Variants in TBL1X observed in about 807,000 individuals in gnomAD.
TBL1X encodes the protein F-box-like/WD repeat-containing protein TBL1X.
TBL1X carries 10 observed loss-of-function variants against 50.7 expected under a neutral mutation model. The observed-to-expected ratio is 0.20, with a 90% CI of 0.12 to 0.33. The LOEUF (loss-of-function observed/expected upper bound fraction) is 0.33, where lower values mean the gene tolerates loss of function less well. Ranked by LOEUF, TBL1X falls within the 10% of genes least tolerant of loss-of-function variation. TBL1X has a pLI of 1.00. For missense variants in TBL1X, 340 were observed against 504.4 expected (o/e 0.67, Z 3.12); for synonymous variants, 190 against 214.7 (o/e 0.88, Z 1.01).
In TBL1X at chrX:9,588,728, G is replaced by A. The variant is rs755190369; in HGVS notation, c.-130-51545G>A. ...AAGCATTCTCCTGCCTCAGTCTCCTGAGTAGCTGGGATTACAGGCACACAC... is the reference window on the plus strand; with the variant it reads ...AAGCATTCTCCTGCCTCAGTCTCCTAAGTAGCTGGGATTACAGGCACACAC... On this transcript the variant is annotated intron_variant, in intron 2 of 17. Transcript: ENST00000645353. Among the ~76,000 whole-genome samples, 157 of 108,827 alleles carry A rather than the reference G, an allele frequency of 1.4e-3. 1 individual carries two copies. The highest frequency in any genetic ancestry group is 4.3e-3 in the Middle Eastern group (1 of 234). The allele number at this position is 108,827 out of a possible 115,157, so 94.5% of individuals were successfully genotyped here.
chrX:9,601,562 G>T lies in TBL1X; in HGVS notation c.-130-38711G>T, dbSNP rs889938112. Among the ~76,000 whole-genome samples the T allele has an allele frequency of 2.7e-5, 3 of 110,700 alleles. No homozygotes were observed. The Admixed American group carries it at 2.9e-4, about 11-fold the overall frequency. On this transcript the variant is annotated intron_variant, in intron 2 of 17. Transcript: ENST00000645353. Reference sequence around the variant, plus strand: ...AGGCCTAGTGGTGTCTTTCATCAGCGCCCCCCATTTTACATTTCTGGGATC... The same window carrying T: ...AGGCCTAGTGGTGTCTTTCATCAGCTCCCCCCATTTTACATTTCTGGGATC...
upstream of TBL1X, among the ~76,000 whole-genome samples, chrX:9,464,243 A>T (rs2081754977): frequency 9.0e-6 from 1 of 110,771 alleles, no homozygotes; most frequent in Non-Finnish European, 1.9e-5. Context: ...TTGCAACATA[A>T]AGCACTTTGC....
intron 8 of TBL1X, 145 bp from the exon 9 acceptor site, chrX:9,691,968 G>A: frequency 2.0e-6 from 2 of 1,018,257 alleles, no homozygotes; most frequent in Non-Finnish European, 2.7e-6. Flanking sequence ...TGCAAAGATG[G>A]CAAAGAGGGA....
intron 5 of TBL1X, among the ~76,000 whole-genome samples, chrX:9,659,590 G>T (rs746089223): frequency 8.9e-6 from 1 of 112,455 alleles, no homozygotes. Context: ...CAGGTCATTT[G>T]TATGAACGCA....
At chrX:9,557,370 G>A (rs927783743) in intron 2 of TBL1X, among the ~76,000 whole-genome samples, 2 of 111,876 alleles carry the variant, frequency 1.8e-5, no homozygotes, top group African/African-American at 6.5e-5. Context: ...TTGTGGATTT[G>A]CAGGGGAAAC....
Position 9,520,062 on chromosome X carries a change from TG to T in TBL1X, c.-131+18216del, listed in dbSNP as rs1176417352. ...ATGAGTGTTCTGGCAGTCGGAGTTG[TG>T]GGTGGGGCTGATTACTGTAATCTTC... On this transcript the variant is annotated intron_variant, in intron 2 of 17. Coordinates refer to ENST00000645353, the MANE Select transcript of TBL1X (RefSeq NM_005647.4). Among the ~76,000 whole-genome samples the T allele has an allele frequency of 2.7e-5, 3 of 112,185 alleles. No homozygotes were observed. The East Asian group carries it at 8.4e-4, about 31-fold the overall frequency.
chrX:9,563,474 A>G (rs959784151), intron 2 of TBL1X, among the ~76,000 whole-genome samples: 24 of 112,437 alleles, frequency 2.1e-4, no homozygotes, highest in African/African-American at 7.1e-4. Flanking sequence ...ATTATACTCA[A>G]TTTTTTCTTC....
At chrX:9,692,031 C>G in intron 8 of TBL1X, 82 bp from the exon 9 acceptor site, 1 of 1,194,547 alleles carries the variant, frequency 8.4e-7, no homozygotes, top group Non-Finnish European at 1.1e-6. Flanking sequence ...TGAAGATGCC[C>G]TCTGGCCAGA....
At chrX:9,679,369 C>G (rs1013627712) in intron 5 of TBL1X, among the ~76,000 whole-genome samples, 5 of 111,075 alleles carry the variant, frequency 4.5e-5, no homozygotes, top group Non-Finnish European at 7.5e-5. Context: ...AAGGAATGAG[C>G]CAGCCTAAAA....
chrX:9,707,118 G>T (rs901661732), intron 13 of TBL1X, among the ~76,000 whole-genome samples: 1 of 111,167 alleles, frequency 9.0e-6, no homozygotes, highest in African/African-American at 3.3e-5. Flanking sequence ...GGGCAGGGTG[G>T]GGGTCCCTTG....
chrX:9,642,446 G>GGT (rs981110408), intron 3 of TBL1X, among the ~76,000 whole-genome samples: 16 of 111,863 alleles, frequency 1.4e-4, no homozygotes, highest in African/African-American at 4.6e-4. Context: ...GTTTCCTTGA[G>GGT]GTGTGTGTGG....
chrX:9,692,930 T>C (rs766781504), intron 9 of TBL1X, among the ~76,000 whole-genome samples: 5 of 112,837 alleles, frequency 4.4e-5, no homozygotes, highest in African/African-American at 9.7e-5. Context: ...CCAGGTGTTC[T>C]GTGCATTGAC....
At chrX:9,598,206 A>G (rs1449968644) in intron 2 of TBL1X, among the ~76,000 whole-genome samples, 1 of 111,398 alleles carries the variant, frequency 9.0e-6, no homozygotes, top group African/African-American at 3.3e-5. Context: ...GCACTCCAGA[A>G]CCGTGAGAGA....
At chrX:9,617,553 A>G (rs1194266310) in intron 2 of TBL1X, among the ~76,000 whole-genome samples, 1 of 112,387 alleles carries the variant, frequency 8.9e-6, no homozygotes, top group African/African-American at 3.2e-5. Flanking sequence ...AGTTCAATTT[A>G]GGAGAGTATA....
At chrX:9,523,652 G>A (rs1982257963) in intron 2 of TBL1X, among the ~76,000 whole-genome samples, 1 of 112,357 alleles carries the variant, frequency 8.9e-6, no homozygotes, top group African/African-American at 3.2e-5. Flanking sequence ...GGCGCCCCCA[G>A]CCCCACCCTT....
chrX:9,685,902 T>C (rs1467879873), intron 6 of TBL1X, among the ~76,000 whole-genome samples: 1 of 109,163 alleles, frequency 9.2e-6, no homozygotes, highest in East Asian at 2.9e-4. Flanking sequence ...TTTTTATTTT[T>C]TGTAGAGATG....
chrX:9,672,411 C>T (rs564709616), intron 5 of TBL1X, among the ~76,000 whole-genome samples: 1 of 112,085 alleles, frequency 8.9e-6, no homozygotes, highest in African/African-American at 3.2e-5. Context: ...CCAGACCGAA[C>T]AGCAAGCGAG....
chrX:9,680,057 CCTT>C (rs888627862), intron 5 of TBL1X, among the ~76,000 whole-genome samples: 3 of 111,807 alleles, frequency 2.7e-5, no homozygotes, highest in African/African-American at 9.8e-5. Flanking sequence ...ATGGATGGCT[CCTT>C]CTGTGTCTTC....
intron 3 of TBL1X, among the ~76,000 whole-genome samples, chrX:9,642,280 C>T (rs1278645798): frequency 9.0e-6 from 1 of 111,545 alleles, no homozygotes; most frequent in Non-Finnish European, 1.9e-5. Context: ...CCTTTGATAA[C>T]TTGTATGGTT....
Sources: gnomAD v4.1 joint callset for allele counts (sites outside exome capture counted in the v4.1 genomes callset) on GRCh38, gnomAD v4.1.1 for gene constraint, MANE v1.5 for transcripts, NCBI Gene and HGNC (gene_info 2026-07-23, HGNC 2026-07-21) for gene names.